SREBF2: variants seen among roughly 807,000 people sequenced by gnomAD.
SREBF2 encodes the protein sterol regulatory element-binding protein 2.
A neutral mutation model predicts 113.1 loss-of-function variants in SREBF2; 55 were observed. The ratio of observed to expected loss-of-function variants is 0.49; its 90% CI spans 0.39 to 0.61. The LOEUF (loss-of-function observed/expected upper bound fraction) is 0.61. Among genes scored for constraint, SREBF2 ranks in the 20% least tolerant of loss-of-function variants. The pLI is 0.00. For synonymous variants in SREBF2, 593 were observed against 605.7 expected (o/e 0.98, Z 0.31); for missense variants, 1,349 against 1,487.4 (o/e 0.91, Z 1.53).
At chr22:41,903,181 A>C (rs1210933844) in intron 17 of SREBF2, 26 bp downstream of exon 17, 1 of 1,546,376 alleles carries the variant, frequency 6.5e-7, no homozygotes, top group East Asian at 2.4e-5. Flanking sequence ...CTGGTGGGGC[A>C]GGGCAGATTG....
chr22:41,901,707 C>T (rs2077466819), intron 16 of SREBF2, among the ~76,000 whole-genome samples: 1 of 152,164 alleles, frequency 6.6e-6, no homozygotes, highest in East Asian at 1.9e-4. Context: ...GCTGCCAAGA[C>T]CAAAGGCAGA....
chr22:41,844,029 T>TACACACACACACACAC (rs768606329), intron 1 of SREBF2, among the ~76,000 whole-genome samples: 2 of 48,754 alleles, frequency 4.1e-5, no homozygotes, highest in Non-Finnish European at 8.6e-5. Flanking sequence ...AAAAAAAAAA[T>TACACACACACACACAC]ACATACACAC....
chr22:41,899,354 T>C (rs960482821), intron 15 of SREBF2: 6 of 1,017,352 alleles, frequency 5.9e-6, no homozygotes, highest in East Asian at 1.7e-4. Context: ...TGTCTGCGTC[T>C]TGGGGGCATT....
intron 1 of SREBF2, among the ~76,000 whole-genome samples, chr22:41,861,883 A>G (rs2148368748): frequency 6.6e-6 from 1 of 151,948 alleles, no homozygotes; most frequent in African/African-American, 2.4e-5. Context: ...AGATTGCACC[A>G]CTGCACGCCT....
chr22:41,884,027 C>A (rs921895857), intron 10 of SREBF2, among the ~76,000 whole-genome samples: 7 of 150,100 alleles, frequency 4.7e-5, no homozygotes, highest in African/African-American at 1.7e-4. Context: ...GTGTGGTAAG[C>A]CTTCCTGGCC....
chr22:41,903,122 G>A lies in SREBF2; in HGVS notation c.3060G>A (p.Arg1020=). The A allele has an allele frequency of 6.4e-7, 1 of 1,560,586 alleles. No homozygotes were observed. Among genetic ancestry groups the A allele is most frequent in the African/African-American group, 1.4e-5 (1 of 73,534 alleles). The stretch of plus-strand genomic sequence containing the variant: ...AACGGGACCTGGGCAGCCTGCGCAG[G>A]CTGGCACACAGCTTCCGCCCAGCAT... ...GFQRDLGSLR[R]LAHSFRPAYR... The change falls in exon 17 of 19, where the codon AGG becomes AGA. Residue 1020 remains arginine, a synonymous_variant. Transcript: ENST00000361204.
At position 41,875,573 on chromosome 22, in the gene SREBF2, T is replaced by C. The variant is rs759971474; in HGVS notation, c.1235T>C (p.Leu412Pro). The change falls in exon 7 of 19, where the codon CTG becomes CCG. Residue 412 changes from leucine to proline, a missense_variant. This residue lies in a region of SREBF2 where 699 missense variants were observed against 843.3 expected (regional missense o/e 0.83). Transcript: ENST00000361204. ...KLLKGIDLGS[L>P]VDNEVDLKIE... ...CTAAAGGGCATCGACCTAGGCAGTC[T>C]GGTGGACAATGAGGTGGACCTGAAG... 4 of 1,614,246 alleles carry C rather than the reference T, an allele frequency of 2.5e-6. No individual in the cohort carries two copies. In the South Asian group the frequency reaches 3.3e-5, roughly 13 times the overall value.
At position 41,869,186 on chromosome 22, in the gene SREBF2, C is replaced by T. The variant is rs374194643; in HGVS notation, c.720+394C>T. 1.2e-3 allele frequency among the ~76,000 whole-genome samples: 189 copies of T among 152,254 alleles called. 1 individual carries two copies. The highest frequency in any genetic ancestry group is 4.3e-3 in the African/African-American group (179 of 41,542). On this transcript the variant is annotated intron_variant, in intron 3 of 18. Coordinates refer to ENST00000361204, the MANE Select transcript of SREBF2 (RefSeq NM_004599.4). ...GTGGTGTGGTCTCAGCTCACTATAA[C>T]CTCCGCCTCCCGGGTTCAAGCAGTT...
At chr22:41,872,026 A>G (rs1285140965) in intron 4 of SREBF2, among the ~76,000 whole-genome samples, 1 of 151,768 alleles carries the variant, frequency 6.6e-6, no homozygotes, top group African/African-American at 2.4e-5. Context: ...CGAGGTGGGT[A>G]GATCATGAGG....
At chr22:41,875,278 T>C (rs2077184206) in intron 5 of SREBF2, 59 bp from the exon 6 acceptor site, 3 of 1,456,940 alleles carry the variant, frequency 2.1e-6, no homozygotes, top group South Asian at 2.3e-5. Flanking sequence ...AGGGCTCTGC[T>C]CTTTTCACAC....
intron 3 of SREBF2, 51 bp downstream of exon 3, chr22:41,868,843 G>C (rs2077112580): frequency 6.4e-7 from 1 of 1,558,310 alleles, no homozygotes; most frequent in Admixed American, 1.9e-5. Context: ...CTGTTAACTG[G>C]TCCTTGGTTG....
chr22:41,889,014 A>G (rs2077328383), intron 11 of SREBF2, among the ~76,000 whole-genome samples: 1 of 152,230 alleles, frequency 6.6e-6, no homozygotes, highest in Non-Finnish European at 1.5e-5. Flanking sequence ...GGTTTAGACT[A>G]GAGGTTCCCA....
intron 10 of SREBF2, among the ~76,000 whole-genome samples, chr22:41,882,079 T>G (rs1216424446): frequency 6.6e-6 from 1 of 151,506 alleles, no homozygotes; most frequent in East Asian, 1.9e-4. Context: ...TGATGGCAGA[T>G]AAGGAGTGGA....
intron 1 of SREBF2, among the ~76,000 whole-genome samples, chr22:41,841,740 A>G (rs2076832244): frequency 6.6e-6 from 1 of 152,258 alleles, no homozygotes; most frequent in Non-Finnish European, 1.5e-5. Context: ...GCAAATATCA[A>G]ATTGTCCGTA....
intron 15 of SREBF2, 173 bp from the exon 16 acceptor site, chr22:41,900,157 G>T (rs1399813980): frequency 1.3e-6 from 2 of 1,502,540 alleles, no homozygotes; most frequent in East Asian, 2.5e-5. Context: ...CTAGCTCAGG[G>T]CTGGCATTTC....
At chr22:41,869,812 C>CA (rs2077122868) in intron 3 of SREBF2, among the ~76,000 whole-genome samples, 2 of 150,660 alleles carry the variant, frequency 1.3e-5, no homozygotes, top group South Asian at 2.1e-4. Flanking sequence ...TTTATAATCA[C>CA]AAAAAACGTC....
chr22:41,866,019 G>A (rs146832430), intron 1 of SREBF2, among the ~76,000 whole-genome samples: 7 of 152,316 alleles, frequency 4.6e-5, no homozygotes, highest in African/African-American at 1.7e-4. Context: ...TCAGCTTGGA[G>A]AGGAGGCCTA....
intron 1 of SREBF2, among the ~76,000 whole-genome samples, chr22:41,864,597 G>A (rs367835019): frequency 1.3e-5 from 2 of 151,864 alleles, no homozygotes; most frequent in African/African-American, 2.4e-5. Context: ...TGGGATTATA[G>A]GCGTGAGTCA....
intron 11 of SREBF2, among the ~76,000 whole-genome samples, chr22:41,887,750 G>A (rs1261019685): frequency 1.3e-5 from 2 of 152,154 alleles, no homozygotes; most frequent in South Asian, 2.1e-4. Context: ...GAGGTTGTGC[G>A]TATTTCCAAA....
Sources: allele counts gnomAD v4.1 joint callset (sites outside exome capture counted in the v4.1 genomes callset), GRCh38; gene constraint gnomAD v4.1.1; regional missense constraint gnomAD v4.1.1; transcripts MANE v1.5; gene names NCBI Gene and HGNC (gene_info 2026-07-23, HGNC 2026-07-21).